The following ELOVL6 variants were observed in gnomAD, a reference collection of about 807,000 sequenced individuals.
ELOVL6 encodes the protein very long chain fatty acid elongase 6.
In ELOVL6, 8 loss-of-function variants were observed where a neutral mutation model predicts 31.7. The ratio of observed to expected loss-of-function variants is 0.25; its 90% CI spans 0.15 to 0.45. ELOVL6 has a LOEUF of 0.45. ELOVL6 is among the 20% of genes least tolerant of loss of function. The probability of loss-of-function intolerance (pLI) is 1.00; values close to 1 mark genes in which losing one functional copy is unlikely to be tolerated. For synonymous variants in ELOVL6, 101 were observed against 117.7 expected (o/e 0.86, Z 0.92); for missense variants, 126 against 326.4 (o/e 0.39, Z 4.73).
intron 2 of ELOVL6, among the ~76,000 whole-genome samples, chr4:110,097,051 T>C (rs1027898478): frequency 6.6e-6 from 1 of 152,086 alleles, no homozygotes; most frequent in African/African-American, 2.4e-5. Flanking sequence ...CTCACCCCTG[T>C]AATCTCAGCA....
chr4:110,098,475 G>C (rs1325800333), intron 2 of ELOVL6, among the ~76,000 whole-genome samples: 1 of 151,786 alleles, frequency 6.6e-6, no homozygotes, highest in Non-Finnish European at 1.5e-5. Flanking sequence ...TGACCATTTT[G>C]TAATAACATG....
chr4:110,139,877 G>A (rs186682387), intron 1 of ELOVL6, among the ~76,000 whole-genome samples: 3 of 152,086 alleles, frequency 2.0e-5, no homozygotes, highest in Non-Finnish European at 4.4e-5. Flanking sequence ...TTTAAGGTGC[G>A]CTTGTCCTAT....
At chr4:110,068,332 GC>G (rs1323282403) in intron 2 of ELOVL6, among the ~76,000 whole-genome samples, 1 of 152,168 alleles carries the variant, frequency 6.6e-6, no homozygotes, top group Non-Finnish European at 1.5e-5. Context: ...GCAGTGCGAA[GC>G]CTGTCTGTGC....
Position 110,198,413 on chromosome 4 carries a change from C to A in ELOVL6, c.-78G>T. The stretch of plus-strand genomic sequence containing the variant: ...TGTAAAGCGCTTGATTTCGAGTGTT[C>A]TCCTGTCTGCTTCCCCCACCCACCC... On this transcript the variant is annotated 5_prime_UTR_variant, in exon 1 of 4. Transcript: ENST00000302274. 1 of 886,064 alleles carries A rather than the reference C, an allele frequency of 1.1e-6. No individual in the cohort carries two copies. 54.9% of individuals were successfully genotyped at this position (886,064 alleles called of 1,614,324 possible).
chr4:110,120,744 T>C (rs575577400), intron 1 of ELOVL6, among the ~76,000 whole-genome samples: 1 of 152,216 alleles, frequency 6.6e-6, no homozygotes, highest in South Asian at 2.1e-4. Flanking sequence ...AACCACTACA[T>C]TGTATACCAG....
In ELOVL6 at chr4:110,137,370, G is replaced by A. The variant is rs60332142; in HGVS notation, c.90-31742C>T. On this transcript the variant is annotated intron_variant, in intron 1 of 3. Transcript: ENST00000302274. ...GACTTACTTTCTTTGGGGCAAAGTC[G>A]TGACTAACTTTCTTTGGGGCAAAGT... Among the ~76,000 whole-genome samples the A allele has an allele frequency of 2.1e-3, 317 of 152,190 alleles. 2 individuals carry two copies. The highest frequency in any genetic ancestry group is 6.7e-3 in the African/African-American group (277 of 41,514).
At chr4:110,141,922 T>A (rs1403686412) in intron 1 of ELOVL6, among the ~76,000 whole-genome samples, 2 of 147,420 alleles carry the variant, frequency 1.4e-5, no homozygotes, top group Non-Finnish European at 3.0e-5. Flanking sequence ...TATATACATA[T>A]ATACTCACCA....
intron 2 of ELOVL6, among the ~76,000 whole-genome samples, chr4:110,101,284 C>A (rs981666762): frequency 3.3e-5 from 5 of 152,162 alleles, no homozygotes; most frequent in African/African-American, 1.2e-4. Flanking sequence ...AGGTGATCTG[C>A]CCACCTCAGC....
At chr4:110,182,360 T>C (rs949710876) in intron 1 of ELOVL6, among the ~76,000 whole-genome samples, 1 of 152,236 alleles carries the variant, frequency 6.6e-6, no homozygotes, top group Non-Finnish European at 1.5e-5. Context: ...GGAGTAAGAA[T>C]GGGCAGTTCA....
chr4:110,190,039 T>C (rs1023245408), intron 1 of ELOVL6, among the ~76,000 whole-genome samples: 8 of 151,934 alleles, frequency 5.3e-5, no homozygotes, highest in Non-Finnish European at 8.8e-5. Context: ...CCAAAATATA[T>C]TTCATCAATA....
rs531904601 is a variant in ELOVL6, at chr4:110,136,300, AG to A, written c.90-30673del. Among the ~76,000 whole-genome samples the A allele has an allele frequency of 1.2e-3, 180 of 152,330 alleles. 2 individuals carry two copies. Among genetic ancestry groups the A allele is most frequent in the Non-Finnish European group, 1.8e-3 (123 of 68,026 alleles). ...GCTTCAGATTTAAGCTCAATTATAA[AG>A]TGTTTAAAGGCTGTGCTGATAGTTC... On this transcript the variant is annotated intron_variant, in intron 1 of 3. Transcript: ENST00000302274.
chr4:110,148,533 G>A (rs879845191), intron 1 of ELOVL6, among the ~76,000 whole-genome samples: 2 of 151,980 alleles, frequency 1.3e-5, no homozygotes, highest in Non-Finnish European at 2.9e-5. Flanking sequence ...GGGCACATAC[G>A]TAAAAAAATA....
At chr4:110,166,547 G>C (rs1465666748) in intron 1 of ELOVL6, among the ~76,000 whole-genome samples, 1 of 152,052 alleles carries the variant, frequency 6.6e-6, no homozygotes, top group African/African-American at 2.4e-5. Flanking sequence ...CGGGAGGAGG[G>C]GTTGTAAATG....
At position 110,051,147 on chromosome 4, in the gene ELOVL6, T is replaced by A. The variant is rs1754826781; in HGVS notation, c.*191A>T. ...TGGAGATGGAGGTGCACTCAGTGAG[T>A]CCTCACCCTAAAAGGATCATAAACT... On this transcript the variant is annotated 3_prime_UTR_variant, in exon 4 of 4. Coordinates refer to ENST00000302274, the MANE Select transcript of ELOVL6 (RefSeq NM_024090.3). This position sits in a 1 kb window ranked among gnomAD's most constrained non-coding sequence, Gnocchi z 4.8. 1 of 601,946 alleles carries A rather than the reference T, an allele frequency of 1.7e-6. No homozygotes were observed. The highest frequency in any genetic ancestry group is 1.9e-5 in the African/African-American group (1 of 53,788). 37.3% of individuals were successfully genotyped at this position (601,946 alleles called of 1,614,324 possible).
At chr4:110,189,177 G>A (rs1241376957) in intron 1 of ELOVL6, among the ~76,000 whole-genome samples, 2 of 152,144 alleles carry the variant, frequency 1.3e-5, no homozygotes, top group Admixed American at 6.5e-5. Context: ...CTACTTGGGA[G>A]GCTGAGGCAA....
rs1236542311 is a variant in ELOVL6 at position 110,084,007 on chromosome 4, ATATGG to A, written c.221+21485_221+21489del. On this transcript the variant is annotated intron_variant, in intron 2 of 3. Coordinates refer to ENST00000302274, the MANE Select transcript of ELOVL6 (RefSeq NM_024090.3). ...ATATACGATATATAACATATGCCATATATGGTATATAACATATGCCATATATGGTA... is the reference window on the plus strand; with the variant it reads ...ATATACGATATATAACATATGCCATATATATAACATATGCCATATATGGTA... Among the ~76,000 whole-genome samples the A allele has an allele frequency of 1.5e-3, 147 of 97,982 alleles. 8 individuals are homozygous for A. Among genetic ancestry groups the A allele is most frequent in the Middle Eastern group, 6.8e-3 (1 of 148 alleles). The allele number at this position is 97,982 out of a possible 152,430, so 64.3% of individuals were successfully genotyped here.
chr4:110,139,793 C>G (rs1421093438), intron 1 of ELOVL6, among the ~76,000 whole-genome samples: 1 of 152,178 alleles, frequency 6.6e-6, no homozygotes, highest in African/African-American at 2.4e-5. Flanking sequence ...ATAATGTCTA[C>G]CATTACTGGA....
intron 1 of ELOVL6, among the ~76,000 whole-genome samples, chr4:110,140,284 A>C (rs566065552): frequency 1.3e-5 from 2 of 152,244 alleles, no homozygotes; most frequent in East Asian, 3.9e-4. Flanking sequence ...GCAATGATTG[A>C]TTGGTGCTTC....
chr4:110,117,903 A>AAAAAAATATATATATATATAT, intron 1 of ELOVL6: 2 of 6,500 alleles, frequency 3.1e-4, no homozygotes, highest in African/African-American at 6.5e-4. Flanking sequence ...AAAAAAAAAA[A>AAAAAAATATATATATATATAT]ATATATATAT....
Sources: allele counts gnomAD v4.1 joint callset (sites outside exome capture counted in the v4.1 genomes callset), GRCh38; gene constraint gnomAD v4.1.1; non-coding constraint Gnocchi (gnomAD v3.1); transcripts MANE v1.5; gene names NCBI Gene and HGNC (gene_info 2026-07-23, HGNC 2026-07-21).